CNTRL: variants seen among roughly 807,000 people sequenced by gnomAD.
CNTRL encodes 110 kDa centrosomal protein.
In CNTRL, 233 loss-of-function variants were observed where a neutral mutation model predicts 303.7. That is an observed-to-expected ratio of 0.77 (90% CI 0.69 to 0.86). The LOEUF is 0.86. CNTRL is among the 40% of genes least tolerant of loss of function. The probability of loss-of-function intolerance (pLI) is 0.00; values close to 1 mark genes in which losing one functional copy is unlikely to be tolerated. For missense variants in CNTRL, 2,524 were observed against 2,650.6 expected (o/e 0.95, Z 1.05); for synonymous variants, 900 against 922.2 (o/e 0.98, Z 0.44).
intron 7 of CNTRL, among the ~76,000 whole-genome samples, chr9:121,106,641 G>A (rs1287899706): frequency 1.3e-5 from 2 of 151,970 alleles, no homozygotes; most frequent in East Asian, 3.9e-4. Context: ...AAAGAGGAAG[G>A]TATCAAATAG....
chr9:121,121,040 GA>G (rs2050201220), intron 12 of CNTRL, among the ~76,000 whole-genome samples: 1 of 152,150 alleles, frequency 6.6e-6, no homozygotes, highest in African/African-American at 2.4e-5. Flanking sequence ...AAGCAGAAGA[GA>G]AATAATCAAG....
At chr9:121,079,969 T>C (rs1480411390) in intron 1 of CNTRL, among the ~76,000 whole-genome samples, 1 of 152,154 alleles carries the variant, frequency 6.6e-6, no homozygotes, top group African/African-American at 2.4e-5. Context: ...GTTCAAGTGA[T>C]TTTTGTTCCT....
At chr9:121,103,468 C>A (rs1052611983) in intron 7 of CNTRL, among the ~76,000 whole-genome samples, 2 of 152,192 alleles carry the variant, frequency 1.3e-5, no homozygotes, top group African/African-American at 4.8e-5. Context: ...CTAGGCAATA[C>A]TATTCAGGAC....
At chr9:121,149,922 G>A (rs994968288) in intron 24 of CNTRL, among the ~76,000 whole-genome samples, 3 of 152,114 alleles carry the variant, frequency 2.0e-5, no homozygotes, top group African/African-American at 7.2e-5. Flanking sequence ...GAATAAATTA[G>A]CAAATGCAGA....
At chr9:121,142,409 G>A (rs1490892914) in intron 19 of CNTRL, 139 bp downstream of exon 19, 2 of 597,722 alleles carry the variant, frequency 3.3e-6, no homozygotes, top group Non-Finnish European at 5.4e-6. Flanking sequence ...CCTGACCTAG[G>A]TGGGACCTGG....
intron 23 of CNTRL, among the ~76,000 whole-genome samples, chr9:121,146,654 G>T (rs182264837): frequency 3.3e-5 from 5 of 152,210 alleles, no homozygotes. Flanking sequence ...TAGTGGTGGG[G>T]CATCACAATG....
At chr9:121,171,884 C>CT (rs1410400147) in intron 40 of CNTRL, among the ~76,000 whole-genome samples, 10 of 152,186 alleles carry the variant, frequency 6.6e-5, no homozygotes, top group Non-Finnish European at 1.5e-5. Context: ...AAAACCTCCC[C>CT]TACCCCTTGA....
intron 14 of CNTRL, among the ~76,000 whole-genome samples, chr9:121,126,458 A>G (rs1479383429): frequency 6.6e-6 from 1 of 152,184 alleles, no homozygotes; most frequent in African/African-American, 2.4e-5. Flanking sequence ...AGAACTAGAG[A>G]TTTCCAAACT....
rs113431661 is a variant in CNTRL at position 121,174,531 on chromosome 9, C to T, written c.6748-487C>T. Among the ~76,000 whole-genome samples, 1,304 of 152,246 alleles carry T rather than the reference C, an allele frequency of 8.6e-3. 22 individuals carry two copies. Among genetic ancestry groups the T allele is most frequent in the African/African-American group, 0.03 (1,239 of 41,536 alleles). On this transcript the variant is annotated intron_variant, in intron 42 of 43. Transcript: ENST00000373855. ...CATTGCAGAAAGTTCTGTTGGACAG[C>T]GCTGCTATAGACTTTGAGAGAATAA...
chr9:121,142,334 CT>C, intron 19 of CNTRL, 64 bp downstream of exon 19: 1 of 1,421,490 alleles, frequency 7.0e-7, no homozygotes, highest in Non-Finnish European at 9.5e-7. Flanking sequence ...CCACTGGCAA[CT>C]AGGTCAGCTG....
At chr9:121,145,062 CA>C (rs1187870325) in intron 21 of CNTRL, 103 bp downstream of exon 21, 1 of 1,178,610 alleles carries the variant, frequency 8.5e-7, no homozygotes, top group Admixed American at 1.9e-5. Context: ...GAAGTGCAAT[CA>C]ATAGTTAATA....
chr9:121,152,539 CG>C lies in CNTRL; in HGVS notation c.4021del (p.Glu1341LysfsTer5). ...AATGCAGCATTTAAAATCAAAGAAG[CG>C]GGAAGAAAGGTGGATGAGAGCATCC... ...DIMQHLKSKK[R>X]EERWMRASKR... On this transcript the variant is annotated frameshift_variant, in exon 26 of 44. Transcript: ENST00000373855. LOFTEE classifies it high-confidence loss of function. 6.2e-7 allele frequency: 1 copy of C among 1,613,670 alleles called. No individual in the cohort carries two copies. The highest frequency in any genetic ancestry group is 8.5e-7 in the Non-Finnish European group (1 of 1,179,932).
intron 26 of CNTRL, 78 bp downstream of exon 26, chr9:121,152,771 C>G: frequency 8.9e-7 from 1 of 1,127,818 alleles, no homozygotes; most frequent in South Asian, 1.5e-5. Flanking sequence ...TTTCTATAAT[C>G]TTGGAATGTT....
At chr9:121,085,791 T>C (rs891748930) in intron 2 of CNTRL, among the ~76,000 whole-genome samples, 1 of 152,200 alleles carries the variant, frequency 6.6e-6, no homozygotes, top group East Asian at 1.9e-4. Flanking sequence ...TCATGATGTG[T>C]TCAGGCAATG....
At chr9:121,083,880 A>G (rs2048241966) in intron 2 of CNTRL, among the ~76,000 whole-genome samples, 1 of 152,220 alleles carries the variant, frequency 6.6e-6, no homozygotes. Context: ...TTACGGGACC[A>G]CTGTCATGTA....
intron 2 of CNTRL, among the ~76,000 whole-genome samples, chr9:121,086,796 G>A (rs1047781064): frequency 6.6e-6 from 1 of 152,110 alleles, no homozygotes; most frequent in East Asian, 1.9e-4. Flanking sequence ...GGGATTACAG[G>A]TGCATGCCAC....
chr9:121,136,526 T>C (rs1327003868), intron 15 of CNTRL, among the ~76,000 whole-genome samples: 1 of 152,062 alleles, frequency 6.6e-6, no homozygotes, highest in East Asian at 1.9e-4. Flanking sequence ...GTCAGGCTGG[T>C]CTACAAACTC....
At chr9:121,075,615 C>T (rs2047890516) in intron 1 of CNTRL, among the ~76,000 whole-genome samples, 1 of 152,198 alleles carries the variant, frequency 6.6e-6, no homozygotes, top group Non-Finnish European at 1.5e-5. Context: ...GGGTTGAAGC[C>T]TCAATTCTGC....
intron 7 of CNTRL, among the ~76,000 whole-genome samples, chr9:121,104,073 C>A (rs565334081): frequency 6.6e-6 from 1 of 152,296 alleles, no homozygotes; most frequent in South Asian, 2.1e-4. Context: ...GACACACGCA[C>A]ACATATGTTT....
Sources: gnomAD v4.1 joint callset for allele counts (sites outside exome capture counted in the v4.1 genomes callset) on GRCh38, gnomAD v4.1.1 for gene constraint, MANE v1.5 for transcripts, NCBI Gene and HGNC (gene_info 2026-07-23, HGNC 2026-07-21) for gene names.